Variants in SPIRE1 observed in about 807,000 individuals in gnomAD.
SPIRE1 encodes spire type actin nucleation factor 1.
In SPIRE1, 40 loss-of-function variants were observed where a neutral mutation model predicts 94.1. The observed-to-expected ratio is 0.43, with a 90% confidence interval of 0.33 to 0.55. SPIRE1 has a LOEUF of 0.55. SPIRE1 is among the 20% of genes least tolerant of loss of function. The pLI is 0.06. For missense variants in SPIRE1, 838 were observed against 975.2 expected (o/e 0.86, Z 1.87); for synonymous variants, 376 against 371.7 (o/e 1.01, Z -0.13).
chr18:12,584,280 A>G (rs1475300614), intron 2 of SPIRE1, among the ~76,000 whole-genome samples: 1 of 152,038 alleles, frequency 6.6e-6, no homozygotes, highest in Admixed American at 6.6e-5. Flanking sequence ...AACTTCAAAA[A>G]TTAGCCGGGC....
At chr18:12,550,507 G>A (rs187315379) in intron 2 of SPIRE1, among the ~76,000 whole-genome samples, 1 of 152,198 alleles carries the variant, frequency 6.6e-6, no homozygotes, top group East Asian at 1.9e-4. Flanking sequence ...GGGACTACAG[G>A]TGCATGGTGA....
At position 12,558,400 on chromosome 18, in the gene SPIRE1, A is replaced by G. The variant is rs933116999; in HGVS notation, c.373-11496T>C. Among the ~76,000 whole-genome samples, 5 of 152,334 alleles carry G rather than the reference A, an allele frequency of 3.3e-5. No individual in the cohort carries two copies. The East Asian group carries it at 7.7e-4, about 23-fold the overall frequency. Reference sequence around the variant, plus strand: ...GTTACAGCTCACAAAGGCAGTGCAAACCCAAAGAGTGAGCACCGGCAAGAT... The same window carrying G: ...GTTACAGCTCACAAAGGCAGTGCAAGCCCAAAGAGTGAGCACCGGCAAGAT... On this transcript the variant is annotated intron_variant, in intron 2 of 16. Coordinates refer to ENST00000409402, the MANE Select transcript of SPIRE1 (RefSeq NM_001128626.2).
Position 12,615,836 on chromosome 18 carries a change from C to T in SPIRE1, c.372+19226G>A, listed in dbSNP as rs182444374. Reference sequence around the variant, plus strand: ...GTTAAAGGAATAAAATAAAAGAGTCCTCTCCTTTCATTTCCTGCCTTTAGA... The same window carrying T: ...GTTAAAGGAATAAAATAAAAGAGTCTTCTCCTTTCATTTCCTGCCTTTAGA... On this transcript the variant is annotated intron_variant, in intron 2 of 16. Transcript: ENST00000409402. 7.9e-4 allele frequency among the ~76,000 whole-genome samples: 120 copies of T among 152,142 alleles called. 5 individuals carry two copies. The East Asian group carries it at 0.022, about 28-fold the overall frequency.
intron 8 of SPIRE1, among the ~76,000 whole-genome samples, 173 bp downstream of exon 8, chr18:12,492,899 T>C (rs1370617451): frequency 6.6e-6 from 1 of 151,976 alleles, no homozygotes; most frequent in African/African-American, 2.4e-5. Context: ...GGGGTATGTA[T>C]ATGAGAGAGT....
chr18:12,543,893 C>G (rs1165724645), intron 3 of SPIRE1, among the ~76,000 whole-genome samples: 2 of 152,188 alleles, frequency 1.3e-5, no homozygotes, highest in African/African-American at 2.4e-5. Context: ...AGGTTTTTAA[C>G]CTGCTAACCA....
rs138855065 is a variant in SPIRE1 at position 12,610,367 on chromosome 18, C to A, written c.372+24695G>T. Among the ~76,000 whole-genome samples, 5 of 152,230 alleles carry A rather than the reference C, an allele frequency of 3.3e-5. No individual in the cohort carries two copies. In the East Asian group the frequency reaches 9.7e-4, roughly 29 times the overall value. ...AGTTCATTCCCTCTAATATTTGACT[C>A]CAGTAATCTTTCAACCCCATCAGGC... On this transcript the variant is annotated intron_variant, in intron 2 of 16. Coordinates refer to ENST00000409402, the MANE Select transcript of SPIRE1 (RefSeq NM_001128626.2).
intron 8 of SPIRE1, among the ~76,000 whole-genome samples, chr18:12,487,402 C>CTTT (rs35743856): frequency 1.5e-5 from 2 of 132,688 alleles, no homozygotes. Context: ...TATTTTCTTT[C>CTTT]TTTTTTTTTT....
At chr18:12,617,321 T>A (rs546839424) in intron 2 of SPIRE1, among the ~76,000 whole-genome samples, 5 of 151,474 alleles carry the variant, frequency 3.3e-5, no homozygotes, top group Non-Finnish European at 7.4e-5. Context: ...TTCAAGCGAT[T>A]CTCCTGTCCC....
At chr18:12,645,171 T>A (rs11665431) in intron 1 of SPIRE1, among the ~76,000 whole-genome samples, 1 of 151,488 alleles carries the variant, frequency 6.6e-6, no homozygotes, top group South Asian at 2.1e-4. Context: ...GTCATAACTA[T>A]TCAATAGTAA....
intron 1 of SPIRE1, among the ~76,000 whole-genome samples, chr18:12,645,665 T>C (rs2038204333): frequency 6.6e-6 from 1 of 152,224 alleles, no homozygotes; most frequent in South Asian, 2.1e-4. Flanking sequence ...TGCCTACTGG[T>C]GTCTATGCCC....
chr18:12,638,631 C>A (rs565545647), intron 1 of SPIRE1, among the ~76,000 whole-genome samples: 2 of 152,182 alleles, frequency 1.3e-5, no homozygotes, highest in African/African-American at 2.4e-5. Context: ...TGGTTCTATG[C>A]CCCCACCCAA....
intron 2 of SPIRE1, among the ~76,000 whole-genome samples, chr18:12,592,724 C>T (rs188903093): frequency 3.3e-5 from 5 of 152,302 alleles, no homozygotes; most frequent in East Asian, 1.9e-4. Flanking sequence ...GTTAGGTAGA[C>T]GACAAAGCAT....
chr18:12,565,783 C>T (rs2035801878), intron 2 of SPIRE1, among the ~76,000 whole-genome samples: 1 of 151,904 alleles, frequency 6.6e-6, no homozygotes, highest in South Asian at 2.1e-4. Flanking sequence ...CGCCTGTAAT[C>T]CCAGGAATTT....
At chr18:12,602,563 G>A (rs1304607724) in intron 2 of SPIRE1, among the ~76,000 whole-genome samples, 1 of 152,156 alleles carries the variant, frequency 6.6e-6, no homozygotes, top group Non-Finnish European at 1.5e-5. Context: ...CCACTTTAAA[G>A]AAATCAGTAA....
At chr18:12,625,656 A>G (rs1432999000) in intron 2 of SPIRE1, among the ~76,000 whole-genome samples, 1 of 152,220 alleles carries the variant, frequency 6.6e-6, no homozygotes, top group Non-Finnish European at 1.5e-5. Context: ...ATGCATGCAA[A>G]TATTTTCATG....
chr18:12,637,009 A>G (rs1015748511), intron 1 of SPIRE1, among the ~76,000 whole-genome samples: 4 of 152,150 alleles, frequency 2.6e-5, no homozygotes, highest in East Asian at 1.9e-4. Context: ...GGGAAGAGAG[A>G]GAGGGAGGAA....
intron 6 of SPIRE1, among the ~76,000 whole-genome samples, chr18:12,497,602 A>G (rs879856028): frequency 6.6e-6 from 1 of 152,166 alleles, no homozygotes. Context: ...GATGGCCCAG[A>G]GCAAGCTTCA....
At chr18:12,450,374 GA>G in intron 16 of SPIRE1, 1 of 352,942 alleles carries the variant, frequency 2.8e-6, no homozygotes, top group Non-Finnish European at 5.2e-6. Flanking sequence ...AACAAAAAAA[GA>G]AAAGGAAAGA....
intron 5 of SPIRE1, among the ~76,000 whole-genome samples, chr18:12,508,892 C>T (rs1390894557): frequency 2.0e-5 from 3 of 152,148 alleles, no homozygotes; most frequent in African/African-American, 7.2e-5. Context: ...CCAGGCTGGT[C>T]TTGAACTCCT....
Sources: gnomAD v4.1 joint callset for allele counts (sites outside exome capture counted in the v4.1 genomes callset) on GRCh38, gnomAD v4.1.1 for gene constraint, MANE v1.5 for transcripts, NCBI Gene and HGNC (gene_info 2026-07-23, HGNC 2026-07-21) for gene names.